The following CEP128 variants were observed in gnomAD, a reference collection of about 807,000 sequenced individuals.
CEP128 encodes the protein centrosomal protein 128kDa.
Under a neutral mutation model 156.7 loss-of-function variants are expected in CEP128, and 132 were observed. That is an observed-to-expected ratio of 0.84 (90% CI 0.73 to 0.97). CEP128 has a LOEUF of 0.97. Ranked by LOEUF, CEP128 falls within the 50% of genes least tolerant of loss-of-function variation. The probability of loss-of-function intolerance (pLI) is 0.00; values close to 1 mark genes in which losing one functional copy is unlikely to be tolerated. For synonymous variants in CEP128, 469 were observed against 448.9 expected, an observed-to-expected ratio of 1.04 and a Z score of -0.57; for missense variants, 1,252 against 1,281.9, an observed-to-expected ratio of 0.98 and a Z score of 0.36.
At chr14:80,695,056 G>C (rs1896844896) in intron 19 of CEP128, among the ~76,000 whole-genome samples, 1 of 151,866 alleles carries the variant, frequency 6.6e-6, no homozygotes, top group Non-Finnish European at 1.5e-5. Context: ...GAATGAGAAG[G>C]AAAGAAAAGA....
chr14:80,861,193 A>T (rs2140154847), intron 9 of CEP128, among the ~76,000 whole-genome samples: 1 of 152,180 alleles, frequency 6.6e-6, no homozygotes, highest in South Asian at 2.1e-4. Context: ...ATTGTTTCAT[A>T]TGAGTCAATA....
chr14:80,816,515 G>C (rs774204238), intron 13 of CEP128, among the ~76,000 whole-genome samples: 1 of 152,114 alleles, frequency 6.6e-6, no homozygotes, highest in Non-Finnish European at 1.5e-5. Context: ...AGATGATCAG[G>C]GGCTACCATG....
chr14:80,811,878 C>G (rs1212933506), intron 13 of CEP128, among the ~76,000 whole-genome samples: 1 of 140,062 alleles, frequency 7.1e-6, no homozygotes, highest in African/African-American at 2.7e-5. Flanking sequence ...CTGCATAAAG[C>G]AAAAACTTTA....
intron 19 of CEP128, among the ~76,000 whole-genome samples, chr14:80,618,578 A>C (rs1893329710): frequency 6.6e-6 from 1 of 152,270 alleles, no homozygotes; most frequent in Non-Finnish European, 1.5e-5. Context: ...GCAGTAGACT[A>C]TGAATGGAAA....
At chr14:80,489,606 T>C (rs1336735345), downstream of CEP128, among the ~76,000 whole-genome samples, 1 of 152,042 alleles carries the variant, frequency 6.6e-6, no homozygotes, top group Non-Finnish European at 1.5e-5. Context: ...AATTTGCTGC[T>C]CTAAAGGAAT....
chr14:80,598,235 C>T (rs1892427358), intron 19 of CEP128, among the ~76,000 whole-genome samples: 1 of 151,748 alleles, frequency 6.6e-6, no homozygotes, highest in African/African-American at 2.4e-5. Flanking sequence ...AAAAGCCCAC[C>T]TCAAACAACC....
intron 19 of CEP128, among the ~76,000 whole-genome samples, chr14:80,665,511 T>C (rs1190245058): frequency 6.6e-6 from 1 of 152,218 alleles, no homozygotes. Flanking sequence ...CTACCACACA[T>C]ACATTTTTAG....
chr14:80,595,804 C>G (rs1171382092), intron 19 of CEP128, among the ~76,000 whole-genome samples: 1 of 152,068 alleles, frequency 6.6e-6, no homozygotes, highest in Non-Finnish European at 1.5e-5. Context: ...ACAATCATGG[C>G]AGAAGGCAAG....
intron 22 of CEP128, among the ~76,000 whole-genome samples, chr14:80,529,247 C>A (rs1029960561): frequency 1.2e-4 from 19 of 152,210 alleles, no homozygotes; most frequent in South Asian, 4.1e-4. Flanking sequence ...CTAATTAACT[C>A]TTTCCCTTTT....
At chr14:80,865,410 T>C (rs1162325506) in intron 8 of CEP128, among the ~76,000 whole-genome samples, 1 of 152,248 alleles carries the variant, frequency 6.6e-6, no homozygotes, top group African/African-American at 2.4e-5. Flanking sequence ...GGTGTATAGA[T>C]GTCTCTTCAA....
intron 8 of CEP128, among the ~76,000 whole-genome samples, chr14:80,866,406 C>T (rs1024088442): frequency 1.3e-5 from 2 of 152,132 alleles, no homozygotes; most frequent in Non-Finnish European, 2.9e-5. Context: ...GGATCCAGGT[C>T]CCCCACAGAA....
chr14:80,923,169 T>C (rs1884969043), intron 2 of CEP128, among the ~76,000 whole-genome samples: 1 of 152,210 alleles, frequency 6.6e-6, no homozygotes, highest in Admixed American at 6.5e-5. Flanking sequence ...GGCATAAATA[T>C]TGTTGCTTCT....
chr14:80,554,839 T>C (rs967104154), intron 21 of CEP128, among the ~76,000 whole-genome samples: 2 of 152,092 alleles, frequency 1.3e-5, no homozygotes, highest in East Asian at 3.9e-4. Context: ...TTTGTTTTCT[T>C]TAGGTTTTAC....
chr14:80,790,731 G>GA (rs1013472363), intron 14 of CEP128, among the ~76,000 whole-genome samples: 8 of 151,828 alleles, frequency 5.3e-5, no homozygotes, highest in African/African-American at 1.9e-4. Flanking sequence ...ATTTTTAAGA[G>GA]AAAAAAAGCT....
At chr14:80,635,883 A>G (rs1894161599) in intron 19 of CEP128, among the ~76,000 whole-genome samples, 1 of 152,316 alleles carries the variant, frequency 6.6e-6, no homozygotes, top group South Asian at 2.1e-4. Context: ...CAGTTTATTC[A>G]GTGTCCTCAA....
chr14:80,516,063 T>G (rs1888472653), intron 23 of CEP128, among the ~76,000 whole-genome samples: 1 of 152,166 alleles, frequency 6.6e-6, no homozygotes, highest in Non-Finnish European at 1.5e-5. Context: ...AAACAGGGTT[T>G]CATCATGTTA....
intron 19 of CEP128, among the ~76,000 whole-genome samples, chr14:80,658,923 G>T (rs758898011): frequency 6.6e-6 from 1 of 152,144 alleles, no homozygotes; most frequent in Admixed American, 6.6e-5. Flanking sequence ...AGGGGACAGG[G>T]AGCAACCAGA....
chr14:80,893,992 A>G (rs1271754984), intron 8 of CEP128, among the ~76,000 whole-genome samples: 2 of 152,008 alleles, frequency 1.3e-5, no homozygotes, highest in African/African-American at 4.8e-5. Flanking sequence ...CCTAATTCAT[A>G]CCACAAATAC....
intron 15 of CEP128, among the ~76,000 whole-genome samples, chr14:80,784,023 T>A (rs1225237586): frequency 6.6e-6 from 1 of 152,168 alleles, no homozygotes; most frequent in African/African-American, 2.4e-5. Flanking sequence ...TCATCTTAAA[T>A]CATAAGCATT....
Sources: gnomAD v4.1 joint callset for allele counts (sites outside exome capture counted in the v4.1 genomes callset) on GRCh38, gnomAD v4.1.1 for gene constraint, MANE v1.5 for transcripts, NCBI Gene and HGNC (gene_info 2026-07-23, HGNC 2026-07-21) for gene names.